POU6F2: variants seen among roughly 807,000 people sequenced by gnomAD.
POU6F2 encodes POU domain, class 6, transcription factor 2.
POU6F2 carries 31 observed loss-of-function variants against 71.3 expected under a neutral mutation model. The ratio of observed to expected loss-of-function variants is 0.43; its 90% CI spans 0.33 to 0.59. POU6F2 has a LOEUF of 0.59. Ranked by LOEUF, POU6F2 falls within the 20% of genes least tolerant of loss-of-function variation. The pLI, the probability that POU6F2 is intolerant of heterozygous loss-of-function variation, is 0.04. For missense variants in POU6F2, 783 were observed against 856.8 expected, an observed-to-expected ratio of 0.91 and a Z score of 1.07; for synonymous variants, 347 against 355.7, an observed-to-expected ratio of 0.98 and a Z score of 0.27.
In POU6F2 at chr7:39,321,892, T is replaced by TAG. The variant is rs1411558680; in HGVS notation, c.599-17738_599-17737dup. Among the ~76,000 whole-genome samples the TAG allele has an allele frequency of 4.0e-5, 6 of 151,176 alleles. No homozygotes were observed. In the East Asian group the frequency reaches 9.7e-4, roughly 25 times the overall value. On this transcript the variant is annotated intron_variant, in intron 4 of 9. Coordinates refer to ENST00000518318, the MANE Select transcript of POU6F2 (RefSeq NM_001370959.1). ...AACATTGTATATATTTATATATATA[T>TAG]AGAGAGAGAGAGACAGAGAGAGAGA...
At chr7:39,330,293 A>G (rs117730601) in intron 4 of POU6F2, among the ~76,000 whole-genome samples, 1,988 of 152,256 alleles carry the variant, frequency 0.013, 18 homozygotes, top group Middle Eastern at 0.037. Flanking sequence ...GCATAGCACG[A>G]TTTTTAGTTA....
At chr7:39,036,939 G>A (rs769885043) in intron 1 of POU6F2, among the ~76,000 whole-genome samples, 2 of 151,450 alleles carry the variant, frequency 1.3e-5, no homozygotes, top group African/African-American at 4.8e-5. Context: ...ACATGTGCAG[G>A]TTTGTTATAT....
chr7:38,989,351 AATT>A (rs1327346668), intron 1 of POU6F2, among the ~76,000 whole-genome samples: 1 of 152,048 alleles, frequency 6.6e-6, no homozygotes, highest in Non-Finnish European at 1.5e-5. Context: ...GTTAAATAAT[AATT>A]ATTTAATTGT....
intron 7 of POU6F2, among the ~76,000 whole-genome samples, chr7:39,444,443 G>A (rs116042607): frequency 1.3e-5 from 2 of 152,238 alleles, no homozygotes; most frequent in Non-Finnish European, 2.9e-5. Context: ...AGTTAGCTGC[G>A]CATGGTGGTG....
intron 1 of POU6F2, among the ~76,000 whole-genome samples, chr7:39,009,687 A>T (rs1434963062): frequency 6.6e-6 from 1 of 152,038 alleles, no homozygotes; most frequent in Non-Finnish European, 1.5e-5. Flanking sequence ...ATTATTTTGA[A>T]ATACGTCCCA....
At chr7:39,095,766 A>G (rs188166660) in intron 2 of POU6F2, among the ~76,000 whole-genome samples, 2 of 152,160 alleles carry the variant, frequency 1.3e-5, no homozygotes, top group Non-Finnish European at 2.9e-5. Context: ...GAACCACAAA[A>G]CAAATGGTAG....
At chr7:39,105,435 T>G (rs1439060199) in intron 2 of POU6F2, among the ~76,000 whole-genome samples, 1 of 69,838 alleles carries the variant, frequency 1.4e-5, no homozygotes, top group African/African-American at 4.6e-5. Context: ...TAACCTCAGG[T>G]TTTTTTTTTT....
At chr7:39,166,385 G>T (rs771004667) in intron 2 of POU6F2, among the ~76,000 whole-genome samples, 2 of 152,124 alleles carry the variant, frequency 1.3e-5, no homozygotes, top group African/African-American at 2.4e-5. Flanking sequence ...GTTCAATTTG[G>T]CTTGACCTCT....
At position 39,416,093 on chromosome 7, in the gene POU6F2, TACACACACACACACAC is replaced by T. The variant is rs57579748; in HGVS notation, c.1113+9384_1113+9399del. On this transcript the variant is annotated intron_variant, in intron 6 of 9. Coordinates refer to ENST00000518318, the MANE Select transcript of POU6F2 (RefSeq NM_001370959.1). The stretch of plus-strand genomic sequence containing the variant: ...ACCTCACAGATTTCTCTCGAAGGCA[TACACACACACACACAC>T]ACACACACACACACACACACACACA... 2.9e-4 allele frequency among the ~76,000 whole-genome samples: 41 copies of T among 139,300 alleles called. 1 individual carries two copies. The South Asian group carries it at 4.8e-3, about 16-fold the overall frequency. The allele number at this position is 139,300 out of a possible 152,430, so 91.4% of individuals were successfully genotyped here.
intron 7 of POU6F2, among the ~76,000 whole-genome samples, chr7:39,445,072 A>C (rs1330092679): frequency 6.6e-6 from 1 of 152,250 alleles, no homozygotes; most frequent in East Asian, 1.9e-4. Context: ...ACAGAAAACC[A>C]ATGAGAGACA....
intron 4 of POU6F2, among the ~76,000 whole-genome samples, chr7:39,291,485 C>T (rs1784755260): frequency 6.6e-6 from 1 of 152,180 alleles, no homozygotes; most frequent in Non-Finnish European, 1.5e-5. Flanking sequence ...CATCCAATTA[C>T]ACTGGATCAC....
At chr7:39,197,938 C>A (rs1344010906) in intron 2 of POU6F2, among the ~76,000 whole-genome samples, 2 of 152,102 alleles carry the variant, frequency 1.3e-5, no homozygotes, top group Non-Finnish European at 2.9e-5. Context: ...GAGACTTTTC[C>A]CTGAAAGAAC....
At chr7:39,061,933 GC>G (rs1790665001) in intron 1 of POU6F2, among the ~76,000 whole-genome samples, 1 of 152,148 alleles carries the variant, frequency 6.6e-6, no homozygotes, top group Non-Finnish European at 1.5e-5. Context: ...TCAGTATGCA[GC>G]TGAGGTGCTT....
intron 1 of POU6F2, among the ~76,000 whole-genome samples, chr7:38,996,987 T>C (rs912047395): frequency 3.9e-5 from 6 of 152,226 alleles, no homozygotes; most frequent in African/African-American, 1.4e-4. Context: ...ATTATTGACA[T>C]AATTCCTCTC....
chr7:38,979,981 T>A (rs970279644), intron 1 of POU6F2, among the ~76,000 whole-genome samples: 2 of 152,188 alleles, frequency 1.3e-5, no homozygotes, highest in Admixed American at 1.3e-4. Flanking sequence ...AAAAAATGAA[T>A]CAGGACATAT....
intron 5 of POU6F2, among the ~76,000 whole-genome samples, chr7:39,363,929 C>T (rs943354982): frequency 6.6e-6 from 1 of 152,088 alleles, no homozygotes; most frequent in African/African-American, 2.4e-5. Context: ...CAATTCTTTT[C>T]TGGCATTTTT....
intron 2 of POU6F2, among the ~76,000 whole-genome samples, chr7:39,166,404 C>G (rs776726453): frequency 6.6e-6 from 1 of 152,176 alleles, no homozygotes; most frequent in Admixed American, 6.5e-5. Flanking sequence ...CTAGTATCTC[C>G]CAACCTTATT....
chr7:39,166,567 C>A (rs1028075370), intron 2 of POU6F2, among the ~76,000 whole-genome samples: 1 of 152,106 alleles, frequency 6.6e-6, no homozygotes, highest in African/African-American at 2.4e-5. Context: ...AAGTGTCAGC[C>A]TGACTGTTAT....
chr7:39,347,531 C>T (rs945899702), intron 5 of POU6F2, among the ~76,000 whole-genome samples: 2 of 152,262 alleles, frequency 1.3e-5, no homozygotes, highest in South Asian at 2.1e-4. Flanking sequence ...AAAGAAAGGA[C>T]TGTAGCCATG....
Sources: gnomAD v4.1 joint callset for allele counts (sites outside exome capture counted in the v4.1 genomes callset) on GRCh38, gnomAD v4.1.1 for gene constraint, MANE v1.5 for transcripts, NCBI Gene and HGNC (gene_info 2026-07-23, HGNC 2026-07-21) for gene names.